MSI2: variants seen among roughly 807,000 people sequenced by gnomAD.
MSI2 encodes the protein musashi RNA binding protein 2.
In MSI2, 17 loss-of-function variants were observed where a neutral mutation model predicts 45.6. The observed-to-expected ratio is 0.37, with a 90% CI of 0.26 to 0.56. The LOEUF (loss-of-function observed/expected upper bound fraction) is 0.56, where lower values mean the gene tolerates loss of function less well. Ranked by LOEUF, MSI2 falls within the 20% of genes least tolerant of loss-of-function variation. The probability of loss-of-function intolerance (pLI) is 0.77; values close to 1 mark genes in which losing one functional copy is unlikely to be tolerated. For synonymous variants in MSI2, 156 were observed against 158.2 expected (o/e 0.99, Z 0.11); for missense variants, 293 against 444.2 (o/e 0.66, Z 3.06).
intron 5 of MSI2, among the ~76,000 whole-genome samples, chr17:57,289,708 T>A (rs1163937582): frequency 6.6e-6 from 1 of 152,176 alleles, no homozygotes; most frequent in East Asian, 1.9e-4. Context: ...CACAGCTCCC[T>A]TGGTGAGAAG....
intron 6 of MSI2, among the ~76,000 whole-genome samples, chr17:57,405,985 T>A (rs1415218637): frequency 1.3e-5 from 2 of 152,240 alleles, no homozygotes; most frequent in Non-Finnish European, 2.9e-5. Flanking sequence ...GTCACTTGTT[T>A]GTGCACAACC....
At chr17:57,350,027 T>C (rs1915889181) in intron 5 of MSI2, among the ~76,000 whole-genome samples, 1 of 152,224 alleles carries the variant, frequency 6.6e-6, no homozygotes, top group Non-Finnish European at 1.5e-5. Context: ...GTAGGTGTCA[T>C]CTGATGGGTT....
intron 10 of MSI2, among the ~76,000 whole-genome samples, chr17:57,646,177 C>T (rs962098075): frequency 6.6e-6 from 1 of 152,134 alleles, no homozygotes; most frequent in South Asian, 2.1e-4. Flanking sequence ...TGAGTCCCTG[C>T]CCTAGAAGAG....
At chr17:57,408,117 C>T (rs1449193144) in intron 6 of MSI2, among the ~76,000 whole-genome samples, 9 of 152,326 alleles carry the variant, frequency 5.9e-5, no homozygotes, top group Admixed American at 3.3e-4. Flanking sequence ...AGACTGATTT[C>T]GGCTGAAGCC....
Position 57,658,905 on chromosome 17 carries a change from G to A in MSI2, c.790+6744G>A, listed in dbSNP as rs149989146. ...ACAACAGAGAGGGGTCTAGAGACCC[G>A]CTCCTTGCACCCTGGGCTGGGTGGG... On this transcript the variant is annotated intron_variant, in intron 11 of 13. Transcript: ENST00000284073. Among the ~76,000 whole-genome samples the A allele has an allele frequency of 2.7e-3, 411 of 152,278 alleles. 4 individuals are homozygous for A. The highest frequency in any genetic ancestry group is 3.5e-3 in the Non-Finnish European group (239 of 68,018).
At chr17:57,375,378 G>C (rs1343082669) in intron 5 of MSI2, among the ~76,000 whole-genome samples, 1 of 152,170 alleles carries the variant, frequency 6.6e-6, no homozygotes, top group Non-Finnish European at 1.5e-5. Flanking sequence ...CCGAGGAGAG[G>C]AAACTCAAGA....
At chr17:57,494,597 G>C (rs551662288) in intron 6 of MSI2, among the ~76,000 whole-genome samples, 32 of 152,336 alleles carry the variant, frequency 2.1e-4, no homozygotes, top group African/African-American at 7.5e-4. Context: ...CCTGCTTTGA[G>C]CACCGCTGTT....
At chr17:57,502,879 T>C (rs1340511246) in intron 6 of MSI2, among the ~76,000 whole-genome samples, 1 of 151,936 alleles carries the variant, frequency 6.6e-6, no homozygotes, top group Non-Finnish European at 1.5e-5. Flanking sequence ...GATGCACAGC[T>C]GGTGGATTGG....
intron 6 of MSI2, among the ~76,000 whole-genome samples, chr17:57,466,371 G>A (rs1420363524): frequency 1.3e-5 from 2 of 152,162 alleles, no homozygotes; most frequent in African/African-American, 2.4e-5. Context: ...CTCAGCAGCC[G>A]GTCTTTTGTA....
rs181702708 is a variant in MSI2 at position 57,508,399 on chromosome 17, A to G, written c.406-21277A>G. On this transcript the variant is annotated intron_variant, in intron 6 of 13. Transcript: ENST00000284073. ...TCCCTGTCCTGCCCACAGGAAAATC[A>G]ACACATTTTCTTCACTAATAAAGTG... 1.3e-3 allele frequency among the ~76,000 whole-genome samples: 191 copies of G among 152,342 alleles called. 1 individual carries two copies. Among genetic ancestry groups the G allele is most frequent in the African/African-American group, 4.4e-3 (182 of 41,584 alleles).
chr17:57,361,945 C>G (rs1020737697), intron 5 of MSI2, among the ~76,000 whole-genome samples: 1 of 152,194 alleles, frequency 6.6e-6, no homozygotes, highest in African/African-American at 2.4e-5. Flanking sequence ...ATTCCATTTT[C>G]TTACATATTT....
the MSI2 span, among the ~76,000 whole-genome samples, chr17:57,694,184 C>T: frequency 1.3e-5 from 2 of 152,064 alleles, no homozygotes; most frequent in Admixed American, 1.3e-4. Context: ...AAAGTTTGCC[C>T]CTTGATGTGG....
chr17:57,562,637 A>G (rs547427309), intron 7 of MSI2, among the ~76,000 whole-genome samples: 7 of 148,482 alleles, frequency 4.7e-5, no homozygotes, highest in Admixed American at 4.0e-4. Flanking sequence ...CTATGTTGGG[A>G]AAAAAAATAC....
At chr17:57,595,138 T>A (rs899761613) in intron 7 of MSI2, among the ~76,000 whole-genome samples, 2 of 152,118 alleles carry the variant, frequency 1.3e-5, no homozygotes, top group Non-Finnish European at 2.9e-5. Context: ...GATGGTGATG[T>A]TAGAGTTGGA....
intron 7 of MSI2, among the ~76,000 whole-genome samples, chr17:57,531,162 G>A (rs1025862898): frequency 6.6e-6 from 1 of 152,158 alleles, no homozygotes; most frequent in African/African-American, 2.4e-5. Flanking sequence ...TAGCTTTATG[G>A]TTTCCAAGCC....
chr17:57,510,212 A>G (rs773538032), intron 6 of MSI2, among the ~76,000 whole-genome samples: 1 of 151,844 alleles, frequency 6.6e-6, no homozygotes, highest in Non-Finnish European at 1.5e-5. Context: ...GGGGGCTGGT[A>G]TGGATGGCCT....
intron 7 of MSI2, among the ~76,000 whole-genome samples, chr17:57,559,632 G>T (rs1199780894): frequency 6.6e-6 from 1 of 152,248 alleles, no homozygotes; most frequent in African/African-American, 2.4e-5. Context: ...AAAGTGAGGG[G>T]ACTGTGTGGG....
At chr17:57,426,456 A>G (rs1459215858) in intron 6 of MSI2, among the ~76,000 whole-genome samples, 1 of 152,196 alleles carries the variant, frequency 6.6e-6, no homozygotes, top group Non-Finnish European at 1.5e-5. Context: ...GCAGTGCCCT[A>G]CACTCAGTAG....
At chr17:57,271,610 A>T (rs915589908) in intron 5 of MSI2, among the ~76,000 whole-genome samples, 2 of 151,996 alleles carry the variant, frequency 1.3e-5, no homozygotes, top group Admixed American at 6.6e-5. Flanking sequence ...GCCTTCCTTC[A>T]TCTGGGTTTT....
Sources: allele counts gnomAD v4.1 joint callset (sites outside exome capture counted in the v4.1 genomes callset), GRCh38; gene constraint gnomAD v4.1.1; transcripts MANE v1.5; gene names NCBI Gene and HGNC (gene_info 2026-07-23, HGNC 2026-07-21).